Variants in MTR observed in about 807,000 individuals in gnomAD.
MTR encodes 5-methyltetrahydrofolate-homocysteine methyltransferase.
In MTR, 84 loss-of-function variants were observed where a neutral mutation model predicts 154.8. The observed-to-expected ratio is 0.54, with a 90% CI of 0.45 to 0.65. The LOEUF (loss-of-function observed/expected upper bound fraction) is 0.65, where lower values mean the gene tolerates loss of function less well. Ranked by LOEUF, MTR falls within the 30% of genes least tolerant of loss-of-function variation. The pLI is 0.00. For missense variants in MTR, 1,275 were observed against 1,570.2 expected (o/e 0.81, Z 3.18); for synonymous variants, 554 against 553.9 (o/e 1.00, Z 0.00).
At chr1:236,843,737 G>C (rs1379456258) in intron 15 of MTR, among the ~76,000 whole-genome samples, 12 of 152,196 alleles carry the variant, frequency 7.9e-5, no homozygotes. Context: ...ATTGGGTATA[G>C]GTTGTGAAAG....
intron 14 of MTR, 77 bp from the exon 15 acceptor site, chr1:236,838,337 A>T: frequency 7.1e-7 from 1 of 1,401,104 alleles, no homozygotes; most frequent in Non-Finnish European, 1.0e-6. Flanking sequence ...AGAAATAGGG[A>T]ATACTTTGGA....
chr1:236,897,300 C>CCA lies in MTR; in HGVS notation c.3711+190_3711+191dup, dbSNP rs1553331006. On this transcript the variant is annotated intron_variant, in intron 32 of 32. Coordinates refer to ENST00000366577, the MANE Select transcript of MTR (RefSeq NM_000254.3). ...TCTAGCCCTCACTTCTACATGCAAG[C>CCA]CACACACACGCACACACACACACAC... Among the ~76,000 whole-genome samples, 261 of 30,690 alleles carry CCA rather than the reference C, an allele frequency of 8.5e-3. 3 individuals carry two copies. Among genetic ancestry groups the CCA allele is most frequent in the African/African-American group, 0.022 (227 of 10,270 alleles). 20.1% of individuals were successfully genotyped at this position (30,690 alleles called of 152,430 possible). A position where few individuals can be genotyped will look rare whatever the true frequency, so the allele number is the denominator to read the frequency against.
At chr1:236,835,882 C>T (rs559438176) in intron 14 of MTR, among the ~76,000 whole-genome samples, 195 bp downstream of exon 14, 1 of 152,224 alleles carries the variant, frequency 6.6e-6, no homozygotes, top group East Asian at 1.9e-4. Flanking sequence ...ATCTTGGAGA[C>T]AGCTGTGGCT....
chr1:236,821,611 T>C (rs1001476553), intron 8 of MTR, among the ~76,000 whole-genome samples: 20 of 152,218 alleles, frequency 1.3e-4, no homozygotes, highest in African/African-American at 4.8e-4. Context: ...ACCCTGCCTT[T>C]GTTGTTTTAC....
At chr1:236,837,618 G>T (rs761643257) in intron 14 of MTR, among the ~76,000 whole-genome samples, 2 of 152,146 alleles carry the variant, frequency 1.3e-5, no homozygotes, top group African/African-American at 2.4e-5. Context: ...TGTGGCCTAT[G>T]CTGGGAGCTG....
intron 22 of MTR, among the ~76,000 whole-genome samples, chr1:236,864,606 TAA>T (rs1664729814): frequency 6.6e-6 from 1 of 152,234 alleles, no homozygotes; most frequent in African/African-American, 2.4e-5. Context: ...TACTATTTTT[TAA>T]AGAGATAAAT....
At chr1:236,857,032 T>C (rs772931620) in intron 18 of MTR, among the ~76,000 whole-genome samples, 5 of 152,224 alleles carry the variant, frequency 3.3e-5, no homozygotes, top group Non-Finnish European at 7.3e-5. Context: ...TATAATCCTT[T>C]GGGTATATAC....
intron 24 of MTR, among the ~76,000 whole-genome samples, chr1:236,876,359 C>T (rs1239226448): frequency 5.9e-5 from 9 of 152,092 alleles, no homozygotes; most frequent in Non-Finnish European, 8.8e-5. Flanking sequence ...GACTTATGTA[C>T]CAGGAAATGT....
intron 2 of MTR, among the ~76,000 whole-genome samples, chr1:236,804,016 T>C (rs1359160195): frequency 2.6e-5 from 4 of 151,486 alleles, no homozygotes. Context: ...TATTACCTGT[T>C]ACCATAGACT....
intron 5 of MTR, among the ~76,000 whole-genome samples, chr1:236,811,154 A>T (rs1047555768): frequency 6.6e-6 from 1 of 152,126 alleles, no homozygotes; most frequent in South Asian, 2.1e-4. Context: ...AGGCAAAGAG[A>T]AAGCTTGTAC....
chr1:236,815,731 C>T, intron 7 of MTR, 68 bp downstream of exon 7: 2 of 1,484,352 alleles, frequency 1.3e-6, no homozygotes, highest in Non-Finnish European at 1.9e-6. Context: ...ATGTTTTTCC[C>T]CCGCTTTGCA....
At position 236,826,821 on chromosome 1, in the gene MTR, A is replaced by G; in HGVS notation, c.928-8A>G. On this transcript the variant is annotated splice_region_variant and splice_polypyrimidine_tract_variant and intron_variant, in intron 10 of 32. Coordinates refer to ENST00000366577, the MANE Select transcript of MTR (RefSeq NM_000254.3). ...ACTTGCTGAAACTTTGTCTCTTCCTAAATGCAGGATTTTGCTATGGATGGC... is the reference window on the plus strand; with the variant it reads ...ACTTGCTGAAACTTTGTCTCTTCCTGAATGCAGGATTTTGCTATGGATGGC... The G allele has an allele frequency of 6.2e-7, 1 of 1,613,856 alleles. No individual in the cohort carries two copies. Among genetic ancestry groups the G allele is most frequent in the Non-Finnish European group, 8.5e-7 (1 of 1,179,728 alleles).
intron 22 of MTR, among the ~76,000 whole-genome samples, chr1:236,868,116 T>C (rs2103337887): frequency 6.6e-6 from 1 of 152,242 alleles, no homozygotes; most frequent in Admixed American, 6.5e-5. Flanking sequence ...ATTCAATTGG[T>C]GTGGGAAACT....
chr1:236,835,692 T>C lies in MTR; in HGVS notation c.1329+5T>C. ...TCCGAGCCAGACATCGCAAAGGTTA[T>C]ACAAAGTTTATGTTTATCAGGGGGA... is the stretch of plus-strand genomic sequence containing the variant. On this transcript the variant is annotated splice_donor_5th_base_variant and intron_variant, in intron 14 of 32. Transcript: ENST00000366577. 1.2e-6 allele frequency: 2 copies of C among 1,613,326 alleles called. No individual in the cohort carries two copies. Among genetic ancestry groups the C allele is most frequent in the Non-Finnish European group, 1.7e-6 (2 of 1,179,878 alleles).
At chr1:236,896,786 G>A (rs761837710) in intron 31 of MTR, among the ~76,000 whole-genome samples, 2 of 152,174 alleles carry the variant, frequency 1.3e-5, no homozygotes, top group Non-Finnish European at 2.9e-5. Context: ...GTCCCCCTGG[G>A]TTAGAGGAGA....
chr1:236,873,905 C>G, intron 23 of MTR, 65 bp downstream of exon 23: 1 of 1,475,022 alleles, frequency 6.8e-7, no homozygotes, highest in South Asian at 1.1e-5. Flanking sequence ...TGTCATTTCC[C>G]TAGTTGTCTG....
intron 24 of MTR, among the ~76,000 whole-genome samples, chr1:236,876,184 C>T (rs569534258): frequency 8.5e-5 from 13 of 152,338 alleles, no homozygotes; most frequent in South Asian, 4.1e-4. Flanking sequence ...CAAGTTTATA[C>T]GTGAAATTAA....
At chr1:236,846,666 C>G (rs1663593450) in intron 15 of MTR, among the ~76,000 whole-genome samples, 1 of 152,116 alleles carries the variant, frequency 6.6e-6, no homozygotes, top group South Asian at 2.1e-4. Context: ...GTAATTATCC[C>G]TAAATAGGCA....
intron 15 of MTR, among the ~76,000 whole-genome samples, chr1:236,846,588 T>C (rs1663587523): frequency 6.6e-6 from 1 of 152,382 alleles, no homozygotes; most frequent in African/African-American, 2.4e-5. Context: ...AATTGGTATC[T>C]TGCCAGTGTT....
Sources: gnomAD v4.1 joint callset for allele counts (sites outside exome capture counted in the v4.1 genomes callset) on GRCh38, gnomAD v4.1.1 for gene constraint, MANE v1.5 for transcripts, NCBI Gene and HGNC (gene_info 2026-07-23, HGNC 2026-07-21) for gene names.